LPAR5: variants seen among roughly 807,000 people sequenced by gnomAD.
LPAR5 encodes the protein lysophosphatidic acid receptor 5.
For synonymous variants in LPAR5, 271 were observed against 261.6 expected, an observed-to-expected ratio of 1.04 and a Z score of -0.35; for missense variants, 544 against 521.8, an observed-to-expected ratio of 1.04 and a Z score of -0.41.
chr12:6,624,973 C>T (rs1170157043), intron 1 of LPAR5, among the ~76,000 whole-genome samples: 3 of 152,164 alleles, frequency 2.0e-5, no homozygotes, highest in Non-Finnish European at 2.9e-5. Context: ...ATGTTTTGCT[C>T]ATCCATTCAT....
intron 1 of LPAR5, among the ~76,000 whole-genome samples, chr12:6,630,956 C>T (rs1452084117): frequency 6.6e-6 from 1 of 152,138 alleles, no homozygotes; most frequent in Non-Finnish European, 1.5e-5. Context: ...GAAAAAACTG[C>T]CAAAAAGGAG....
chr12:6,627,874 A>G (rs1244746979), intron 1 of LPAR5, among the ~76,000 whole-genome samples: 1 of 151,054 alleles, frequency 6.6e-6, no homozygotes, highest in Non-Finnish European at 1.5e-5. Flanking sequence ...TCCTGTGATA[A>G]TAGCTCTTGT....
chr12:6,632,832 C>A (rs1295454787), intron 1 of LPAR5, among the ~76,000 whole-genome samples: 1 of 152,176 alleles, frequency 6.6e-6, no homozygotes, highest in Non-Finnish European at 1.5e-5. Context: ...GGCGGGGAGG[C>A]CTCCTTCTGC....
At position 6,619,817 on chromosome 12, in the gene LPAR5, T is replaced by A. The variant is rs1487550219; in HGVS notation, c.*313A>T. ...TTTTCTGTTCCATCTAACCAGCTTT[T>A]AGCAGTTTAATGCCCTGCCCACCCA... On this transcript the variant is annotated 3_prime_UTR_variant, in exon 2 of 2. Coordinates refer to ENST00000329858, the MANE Select transcript of LPAR5 (RefSeq NM_020400.6). 5.9e-6 allele frequency: 3 copies of A among 511,862 alleles called. No homozygotes were observed. Among genetic ancestry groups the A allele is most frequent in the East Asian group, 4.1e-5 (1 of 24,488 alleles). 31.7% of individuals were successfully genotyped at this position (511,862 alleles called of 1,614,324 possible).
At chr12:6,625,488 A>G (rs1199788543) in intron 1 of LPAR5, among the ~76,000 whole-genome samples, 20 of 146,028 alleles carry the variant, frequency 1.4e-4, no homozygotes, top group Admixed American at 4.8e-4. Context: ...TTAGGAGGCC[A>G]AGGCGGGCGG....
intron 1 of LPAR5, among the ~76,000 whole-genome samples, chr12:6,624,727 T>G (rs1948921577): frequency 6.6e-6 from 1 of 152,190 alleles, no homozygotes; most frequent in Non-Finnish European, 1.5e-5. Context: ...TTCAAGCGAT[T>G]CTCCTGCCTC....
At chr12:6,629,671 C>CAAAA (rs374044341) in intron 1 of LPAR5, among the ~76,000 whole-genome samples, 2 of 122,704 alleles carry the variant, frequency 1.6e-5, no homozygotes, top group Non-Finnish European at 3.5e-5. Flanking sequence ...GAGACTCCGT[C>CAAAA]AAAAAAAAAA....
intron 1 of LPAR5, among the ~76,000 whole-genome samples, chr12:6,623,463 G>A (rs1948911042): frequency 6.6e-6 from 1 of 151,906 alleles, no homozygotes; most frequent in African/African-American, 2.4e-5. Flanking sequence ...GAATCCAGGA[G>A]GCAGAGGTTG....
At chr12:6,635,086 CAAAA>C (rs11438544) in intron 1 of LPAR5, among the ~76,000 whole-genome samples, 28,867 of 118,724 alleles carry the variant, frequency 0.24, 2,954 homozygotes, top group Non-Finnish European at 0.26. Flanking sequence ...GACTCTGTCT[CAAAA>C]AAAAAAAAAA....
Position 6,619,962 on chromosome 12 carries a change from CT to C in LPAR5, c.*167del. The C allele has an allele frequency of 1.1e-6, 1 of 940,470 alleles. No homozygotes were observed. Among genetic ancestry groups the C allele is most frequent in the East Asian group, 2.6e-5 (1 of 38,186 alleles). 58.3% of individuals were successfully genotyped at this position (940,470 alleles called of 1,614,324 possible). A position where few individuals can be genotyped will look rare whatever the true frequency, so the allele number is the denominator to read the frequency against. ...AAGAAGCCATTTCCAGCAGCACTGCCTTCCCTGGGCCCTGGCTTCCACACTT... is the reference window on the plus strand; with the variant it reads ...AAGAAGCCATTTCCAGCAGCACTGCCTCCCTGGGCCCTGGCTTCCACACTT... On this transcript the variant is annotated 3_prime_UTR_variant, in exon 2 of 2. Transcript: ENST00000329858.
rs1948884405 is a variant in LPAR5, at chr12:6,620,604, G to A, written c.645C>T (p.Phe215=). The change falls in exon 2 of 2, where the codon TTC becomes TTT. Residue 215 remains phenylalanine (F), a synonymous_variant. Transcript: ENST00000329858. The surrounding 1 kb of genome is among the most constrained non-coding windows in gnomAD (Gnocchi z 6.8). ...TGGCGTCGGGGCGCGCCAGCGTCCA[G>A]AAGACTCGGCCCGACGAGTAGACCA... ...AAVVYSSGRV[F]WTLARPDATQ... is the part of the protein sequence containing the mutation. 6 of 1,551,748 alleles carry A rather than the reference G, an allele frequency of 3.9e-6. No individual in the cohort carries two copies. The highest frequency in any genetic ancestry group is 2.0e-5 in the Admixed American group (1 of 51,156).
chr12:6,627,273 C>T (rs1592300249), intron 1 of LPAR5, among the ~76,000 whole-genome samples: 1 of 151,974 alleles, frequency 6.6e-6, no homozygotes, highest in African/African-American at 2.4e-5. Flanking sequence ...GTTTGGGCAA[C>T]AGAGTGAGAC....
intron 1 of LPAR5, among the ~76,000 whole-genome samples, chr12:6,623,597 C>A (rs1397990331): frequency 6.6e-6 from 1 of 151,982 alleles, no homozygotes. Context: ...GTGTGTAAAA[C>A]GCTTAGGTTG....
chr12:6,629,631 G>T (rs1380654942), intron 1 of LPAR5, among the ~76,000 whole-genome samples: 2 of 149,972 alleles, frequency 1.3e-5, no homozygotes, highest in African/African-American at 4.9e-5. Context: ...CCGAGATTGC[G>T]CCACTGCACT....
chr12:6,627,344 C>T (rs921746627), intron 1 of LPAR5, among the ~76,000 whole-genome samples: 1 of 152,128 alleles, frequency 6.6e-6, no homozygotes, highest in Non-Finnish European at 1.5e-5. Context: ...GTAATCCCAG[C>T]ACTTTGGGAG....
Position 6,620,289 on chromosome 12 carries a change from C to T in LPAR5, c.960G>A (p.Ser320=), listed in dbSNP as rs1948878229. 3 of 1,605,780 alleles carry T rather than the reference C, an allele frequency of 1.9e-6. No homozygotes were observed. Among genetic ancestry groups the T allele is most frequent in the African/African-American group, 2.7e-5 (2 of 74,762 alleles). Residue 320 remains serine (S), a synonymous_variant, in exon 2 of 2, where the codon TCG becomes TCA. Transcript: ENST00000329858. This position sits in a 1 kb window ranked among gnomAD's most constrained non-coding sequence, Gnocchi z 6.8. ...GCGCCGCCCGCGTCCCGTTGGTGGC[C>T]GAGGTCCTGGCCCGGTGCGGAGTGC... is the stretch of plus-strand genomic sequence containing the variant. ...GLGTPHRART[S]ATNGTRAALA... is the part of the protein sequence containing the mutation.
chr12:6,618,840 T>C lies in LPAR5; in HGVS notation c.*1290A>G, dbSNP rs771457575. 5 of 152,184 alleles carry C rather than the reference T, an allele frequency of 3.3e-5. No individual in the cohort carries two copies. The highest frequency in any genetic ancestry group is 5.9e-5 in the Non-Finnish European group (4 of 68,072). 9.4% of individuals were successfully genotyped at this position (152,184 alleles called of 1,614,324 possible). The stretch of plus-strand genomic sequence containing the variant: ...GGAAAACCCTGAGCCATGAAGACTA[T>C]CAGTAGTGATTAATTTATTTAGCAC... On this transcript the variant is annotated 3_prime_UTR_variant, in exon 2 of 2. Coordinates refer to ENST00000329858, the MANE Select transcript of LPAR5 (RefSeq NM_020400.6).
chr12:6,619,621 T>TG lies in LPAR5; in HGVS notation c.*508_*509insC. On this transcript the variant is annotated 3_prime_UTR_variant, in exon 2 of 2. Coordinates refer to ENST00000329858, the MANE Select transcript of LPAR5 (RefSeq NM_020400.6). ...GTAGTTCTGTCCATAGGAACTCTTG[T>TG]ATTAGGCCTCAGTGGTGAGCAGGGG... is the stretch of plus-strand genomic sequence containing the variant. 3.4e-6 allele frequency: 1 copy of TG among 296,420 alleles called. No individual in the cohort carries two copies. The highest frequency in any genetic ancestry group is 6.8e-6 in the Non-Finnish European group (1 of 147,832). 18.4% of individuals were successfully genotyped at this position (296,420 alleles called of 1,614,324 possible). A position where few individuals can be genotyped will look rare whatever the true frequency, so the allele number is the denominator to read the frequency against.
intron 1 of LPAR5, among the ~76,000 whole-genome samples, chr12:6,622,608 G>A (rs1356691845): frequency 2.0e-5 from 3 of 146,400 alleles, no homozygotes; most frequent in South Asian, 2.2e-4. Flanking sequence ...AAAATTAGCC[G>A]GGCGTGGTGG....
Sources: gnomAD v4.1 joint callset for allele counts (sites outside exome capture counted in the v4.1 genomes callset) on GRCh38, gnomAD v4.1.1 for gene constraint, Gnocchi (gnomAD v3.1) non-coding constraint, MANE v1.5 for transcripts, NCBI Gene and HGNC (gene_info 2026-07-23, HGNC 2026-07-21) for gene names.